Variants in CD109 observed in about 807,000 individuals in gnomAD.
CD109 encodes CD109 molecule, also known as CD109 antigen.
In CD109, 149 loss-of-function variants were observed where a neutral mutation model predicts 165.8. The observed-to-expected ratio is 0.90, with a 90% confidence interval of 0.79 to 1.03. The LOEUF (loss-of-function observed/expected upper bound fraction) is 1.03. Ranked by LOEUF, CD109 falls within the 50% of genes least tolerant of loss-of-function variation. CD109 has a pLI of 0.00. For synonymous variants in CD109, 585 were observed against 592.1 expected (o/e 0.99, Z 0.18); for missense variants, 1,712 against 1,677.8 (o/e 1.02, Z -0.36).
At chr6:73,792,323 C>T (rs1582167963) in intron 22 of CD109, among the ~76,000 whole-genome samples, 1 of 152,128 alleles carries the variant, frequency 6.6e-6, no homozygotes, top group East Asian at 1.9e-4. Context: ...CTGATCAATT[C>T]TGTACATTTT....
chr6:73,723,413 G>A (rs560321949), intron 3 of CD109, 134 bp downstream of exon 3: 12 of 710,416 alleles, frequency 1.7e-5, no homozygotes, highest in South Asian at 1.6e-4. Flanking sequence ...GTTTAGTTCA[G>A]CCTTCAGATT....
intron 5 of CD109, among the ~76,000 whole-genome samples, chr6:73,740,466 T>C (rs1772728778): frequency 6.6e-6 from 1 of 152,202 alleles, no homozygotes; most frequent in African/African-American, 2.4e-5. Flanking sequence ...TATGATACCG[T>C]GTTAACCTTT....
Position 73,808,234 on chromosome 6 carries a change from G to T in CD109, c.3341G>T (p.Arg1114Ile). The T allele has an allele frequency of 6.2e-7, 1 of 1,612,938 alleles. No homozygotes were observed. Among genetic ancestry groups the T allele is most frequent in the Non-Finnish European group, 8.5e-7 (1 of 1,179,418 alleles). Reference protein sequence around the residue: ...AKEALNMLTWRAEQEGGMQFW... With the variant: ...AKEALNMLTWIAEQEGGMQFW... ...GAAGCTTTGAATATGCTGACTTGGA[G>T]AGCAGAACAAGAAGGTAATGTGCTG... is the stretch of plus-strand genomic sequence containing the variant. The change falls in exon 26 of 33, where the codon AGA (arginine) becomes ATA (isoleucine). Residue 1114 changes from arginine (R) to isoleucine (I), a missense_variant. Coordinates refer to ENST00000287097, the MANE Select transcript of CD109 (RefSeq NM_133493.5).
intron 15 of CD109, among the ~76,000 whole-genome samples, chr6:73,778,919 T>G (rs892520222): frequency 1.3e-5 from 2 of 152,202 alleles, no homozygotes; most frequent in Non-Finnish European, 2.9e-5. Context: ...TTTATTGAAG[T>G]TAAATATATA....
chr6:73,710,449 A>G (rs1181308155), intron 2 of CD109, among the ~76,000 whole-genome samples: 1 of 152,248 alleles, frequency 6.6e-6, no homozygotes, highest in African/African-American at 2.4e-5. Flanking sequence ...AGGAGGACAC[A>G]AACAAATGGA....
At chr6:73,702,330 T>C (rs572360151) in intron 2 of CD109, among the ~76,000 whole-genome samples, 3 of 152,244 alleles carry the variant, frequency 2.0e-5, no homozygotes, top group African/African-American at 4.8e-5. Context: ...TCCAATTTGG[T>C]TTGGATGGTT....
the CD109 span, among the ~76,000 whole-genome samples, chr6:73,688,540 C>T: frequency 2.6e-5 from 4 of 152,118 alleles, no homozygotes; most frequent in South Asian, 2.1e-4. Flanking sequence ...ATTTTCTGTG[C>T]GATGAGAGAG....
chr6:73,814,139 A>G (rs1775848042), intron 29 of CD109, among the ~76,000 whole-genome samples: 1 of 152,084 alleles, frequency 6.6e-6, no homozygotes, highest in African/African-American at 2.4e-5. Flanking sequence ...CATGAGGGGT[A>G]TTAGATGTTA....
the CD109 span, among the ~76,000 whole-genome samples, chr6:73,688,489 T>C: frequency 6.6e-6 from 1 of 152,208 alleles, no homozygotes; most frequent in Non-Finnish European, 1.5e-5. Flanking sequence ...TGTAATTTCC[T>C]AAGTGTTAGC....
chr6:73,754,716 A>G (rs1773319757), intron 5 of CD109, among the ~76,000 whole-genome samples: 1 of 152,220 alleles, frequency 6.6e-6, no homozygotes, highest in Non-Finnish European at 1.5e-5. Flanking sequence ...CCTAAGGGAT[A>G]AACTATGCGG....
the CD109 span, among the ~76,000 whole-genome samples, chr6:73,690,398 A>ATTTTTTTTTTTTTTTTTTTTTTTTTT: frequency 6.6e-6 from 1 of 151,928 alleles, no homozygotes; most frequent in East Asian, 1.9e-4. Context: ...GGTGATAAAC[A>ATTTTTTTTTTTTTTTTTTTTTTTTTT]TTTTTTTTGT....
chr6:73,739,353 TTTTG>T (rs1384467139), intron 5 of CD109, among the ~76,000 whole-genome samples: 2 of 152,234 alleles, frequency 1.3e-5, no homozygotes, highest in African/African-American at 4.8e-5. Flanking sequence ...GGTCTCTGGC[TTTTG>T]TTTTTCTTTG....
At chr6:73,798,784 C>G (rs1234256787) in intron 23 of CD109, among the ~76,000 whole-genome samples, 2 of 152,122 alleles carry the variant, frequency 1.3e-5, no homozygotes, top group Non-Finnish European at 2.9e-5. Flanking sequence ...AAGCACTGAT[C>G]TCATCTCCAT....
chr6:73,738,738 C>T (rs1441095567), intron 5 of CD109, among the ~76,000 whole-genome samples: 2 of 152,212 alleles, frequency 1.3e-5, no homozygotes, highest in African/African-American at 4.8e-5. Flanking sequence ...AAAGTGCCGC[C>T]CTTCCTCTTG....
At chr6:73,787,549 G>A (rs1441035389) in intron 21 of CD109, 97 bp downstream of exon 21, 3 of 848,274 alleles carry the variant, frequency 3.5e-6, no homozygotes, top group African/African-American at 3.4e-5. Flanking sequence ...GGCATATCTA[G>A]TAGGTCATCT....
rs556252782 is a variant in CD109 at position 73,708,754 on chromosome 6, G to C, written c.247+11182G>C. Among the ~76,000 whole-genome samples, 800 of 152,316 alleles carry C rather than the reference G, an allele frequency of 5.3e-3. 8 individuals are homozygous for C. The highest frequency in any genetic ancestry group is 0.036 in the South Asian group (174 of 4,832). On this transcript the variant is annotated intron_variant, in intron 2 of 32. Coordinates refer to ENST00000287097, the MANE Select transcript of CD109 (RefSeq NM_133493.5). ...TTGCATTTCTCTGATGGCCAGTGAT[G>C]ATGAGCATTTTTCCATGTGTTTTTT... is the stretch of plus-strand genomic sequence containing the variant.
At position 73,759,090 on chromosome 6, in the gene CD109, T is replaced by A. The variant is rs942287690; in HGVS notation, c.758+62T>A. On this transcript the variant is annotated intron_variant, in intron 7 of 32. Transcript: ENST00000287097. ...ATTATAAAACTGTGTGACCAAAAGC[T>A]GATTGTATACTTCAGAATATTAGGG... 2.8e-6 allele frequency: 3 copies of A among 1,060,716 alleles called. No individual in the cohort carries two copies. The African/African-American group carries it at 4.7e-5, about 17-fold the overall frequency. 65.7% of individuals were successfully genotyped at this position (1,060,716 alleles called of 1,614,324 possible). A position where few individuals can be genotyped will look rare whatever the true frequency, so the allele number is the denominator to read the frequency against.
rs987787890 is a variant in CD109 at position 73,765,742 on chromosome 6, C to A, written c.1108-188C>A. The stretch of plus-strand genomic sequence containing the variant: ...TTGGAGCCGCGGAAGTTAAGGGAAT[C>A]CATAATATTAACAAGGGAGTAATCA... On this transcript the variant is annotated intron_variant, in intron 10 of 32. Coordinates refer to ENST00000287097, the MANE Select transcript of CD109 (RefSeq NM_133493.5). Among the ~76,000 whole-genome samples the A allele has an allele frequency of 2.6e-5, 4 of 152,066 alleles. No individual in the cohort carries two copies. In the East Asian group the frequency reaches 7.7e-4, roughly 29 times the overall value.
intron 23 of CD109, among the ~76,000 whole-genome samples, chr6:73,793,875 T>C (rs1775054623): frequency 6.6e-6 from 1 of 152,228 alleles, no homozygotes; most frequent in South Asian, 2.1e-4. Context: ...AAATGAGGAT[T>C]CACTATAATC....
Sources: allele counts gnomAD v4.1 joint callset (sites outside exome capture counted in the v4.1 genomes callset), GRCh38; gene constraint gnomAD v4.1.1; transcripts MANE v1.5; gene names NCBI Gene and HGNC (gene_info 2026-07-23, HGNC 2026-07-21).